RPS2: variants seen among roughly 807,000 people sequenced by gnomAD.
The protein encoded by RPS2 is small ribosomal subunit protein uS5.
Under a neutral mutation model 25.3 loss-of-function variants are expected in RPS2, and 8 were observed. The ratio of observed to expected loss-of-function variants is 0.32; its 90% confidence interval spans 0.19 to 0.57. RPS2 has a LOEUF of 0.57. Ranked by LOEUF, RPS2 falls within the 20% of genes least tolerant of loss-of-function variation. The pLI is 0.90. For synonymous variants in RPS2, 181 were observed against 161.3 expected (o/e 1.12, Z -0.92); for missense variants, 229 against 408.1 (o/e 0.56, Z 3.78).
chr16:1,962,996 G>A (rs1394548774), intron 4 of RPS2, 87 bp from the exon 5 acceptor site: 4 of 1,486,614 alleles, frequency 2.7e-6, no homozygotes, highest in East Asian at 2.3e-5. Context: ...CTCAAGGAAA[G>A]AGAGGCCACA....
At position 1,964,372 on chromosome 16, in the gene RPS2, G is replaced by C. The variant is rs748837440; in HGVS notation, c.178-7C>G. On this transcript the variant is annotated splice_polypyrimidine_tract_variant and splice_region_variant and intron_variant, in intron 2 of 6. Coordinates refer to ENST00000343262, the MANE Select transcript of RPS2 (RefSeq NM_002952.4). The stretch of plus-strand genomic sequence containing the variant: ...ACTTGGTGACGGGCATCCACTAAAG[G>C]GAGAAAAGGCGCCAGTGACCAGGAC... 54 of 1,613,296 alleles carry C rather than the reference G, an allele frequency of 3.3e-5. 1 individual carries two copies. The South Asian group carries it at 5.8e-4, about 17-fold the overall frequency.
chr16:1,962,469 G>A (rs371879046), intron 6 of RPS2, 28 bp downstream of exon 6: 3 of 1,604,488 alleles, frequency 1.9e-6, no homozygotes, highest in South Asian at 2.2e-5. Context: ...GAGAGACCAT[G>A]GCTATGCCCC....
chr16:1,964,329 C>T lies in RPS2; in HGVS notation c.214G>A (p.Asp72Asn), dbSNP rs771532107. The change falls in exon 3 of 7, where the codon GAC (aspartate) becomes AAC (asparagine). Residue 72 changes from aspartate (D) to asparagine (N), a missense_variant. Transcript: ENST00000343262. Reference protein sequence around the residue: ...PVTKLGRLVKDMKIKSLEEIY... With the variant: ...PVTKLGRLVKNMKIKSLEEIY... ...TCCTCCAGGGACTTGATCTTCATGTCCTTGACCAAGCGGCCCAACTTGGTG... is the reference window on the plus strand; with the variant it reads ...TCCTCCAGGGACTTGATCTTCATGTTCTTGACCAAGCGGCCCAACTTGGTG... 2 of 1,613,462 alleles carry T rather than the reference C, an allele frequency of 1.2e-6. No homozygotes were observed. The highest frequency in any genetic ancestry group is 2.7e-5 in the African/African-American group (2 of 74,950).
chr16:1,962,372 C>T (rs370897816), intron 6 of RPS2, 102 bp from the exon 7 acceptor site: 21 of 1,370,580 alleles, frequency 1.5e-5, no homozygotes, highest in Middle Eastern at 1.8e-4. Flanking sequence ...CCATTCTGGG[C>T]GGGTCTGTCG....
chr16:1,962,583 G>A lies in RPS2; in HGVS notation c.623C>T (p.Pro208Leu). 6.2e-7 allele frequency: 1 copy of A among 1,611,366 alleles called. No individual in the cohort carries two copies. Among genetic ancestry groups the A allele is most frequent in the Non-Finnish European group, 8.5e-7 (1 of 1,179,656 alleles). The part of the protein sequence containing the change: ...APRGTGIVSA[P>L]VPKKLLMMAG... ...CATCATGAGCAGCTTCTTAGGCACA[G>A]GTGCGGAGACGATGCCAGTGCCCCT... The change falls in exon 6 of 7, where the codon CCT becomes CTT. Residue 208 changes from proline (P) to leucine (L), a missense_variant. Transcript: ENST00000343262.
At chr16:1,964,013 TTC>T (rs2083283564) in intron 3 of RPS2, 4 of 508,894 alleles carry the variant, frequency 7.9e-6, no homozygotes, top group East Asian at 7.1e-5. Flanking sequence ...CAAGCGCTGC[TTC>T]TCTTTCAGTT....
intron 3 of RPS2, 38 bp downstream of exon 3, chr16:1,964,238 G>A (rs770591170): frequency 6.8e-7 from 1 of 1,478,414 alleles, no homozygotes; most frequent in Non-Finnish European, 9.5e-7. Flanking sequence ...ATGACTCCGG[G>A]GTCGCACTTG....
chr16:1,964,352 G>C lies in RPS2; in HGVS notation c.191C>G (p.Thr64Ser), dbSNP rs2083287580. Reference sequence around the variant, plus strand: ...GTCCTTGACCAAGCGGCCCAACTTGGTGACGGGCATCCACTAAAGGGAGAA... The same window carrying C: ...GTCCTTGACCAAGCGGCCCAACTTGCTGACGGGCATCCACTAAAGGGAGAA... ...KAEDKEWMPV[T>S]KLGRLVKDMK... Residue 64 changes from threonine (T) to serine (S), a missense_variant, in exon 3 of 7, where the codon ACC becomes AGC. Around this residue, in one of 7 missense-constraint regions of RPS2, gnomAD observed 70 missense variants for 119.0 expected, o/e 0.59. Transcript: ENST00000343262. 6.2e-7 allele frequency: 1 copy of C among 1,613,290 alleles called. No homozygotes were observed. Among genetic ancestry groups the C allele is most frequent in the South Asian group, 1.1e-5 (1 of 91,086 alleles).
intron 4 of RPS2, 80 bp from the exon 5 acceptor site, chr16:1,962,989 A>G (rs1225599169): frequency 2.0e-6 from 3 of 1,503,728 alleles, no homozygotes; most frequent in African/African-American, 1.4e-5. Flanking sequence ...TGCACCCCTC[A>G]AGGAAAGAGA....
rs566652110 is a variant in RPS2, at chr16:1,962,336, T to G, written c.710-66A>C. The stretch of plus-strand genomic sequence containing the variant: ...TGAGGCAAGTCCCCCAACCCAAAAA[T>G]TGTCGCACTCCTAGGAACAGAGAGG... On this transcript the variant is annotated intron_variant, in intron 6 of 6. Coordinates refer to ENST00000343262, the MANE Select transcript of RPS2 (RefSeq NM_002952.4). The G allele has an allele frequency of 2.0e-5, 30 of 1,482,968 alleles. No homozygotes were observed. The South Asian group carries it at 2.6e-4, about 13-fold the overall frequency. The allele number at this position is 1,482,968 out of a possible 1,614,324, so 91.9% of individuals were successfully genotyped here.
chr16:1,964,405 C>T (rs774275300), intron 2 of RPS2, 40 bp from the exon 3 acceptor site: 95 of 1,612,856 alleles, frequency 5.9e-5, no homozygotes, highest in Non-Finnish European at 2.3e-5. Context: ...GACCGCTCTC[C>T]GGCGCCGCCC....
At chr16:1,963,894 G>C (rs1248857281) in intron 3 of RPS2, 1 of 414,244 alleles carries the variant, frequency 2.4e-6, no homozygotes, top group Non-Finnish European at 4.8e-6. Flanking sequence ...CACTGCACCC[G>C]CTGGATGCAG....
chr16:1,962,913 C>G lies in RPS2; in HGVS notation c.376-4G>C, dbSNP rs757981609. The G allele has an allele frequency of 1.3e-6, 2 of 1,598,308 alleles. No individual in the cohort carries two copies. The highest frequency in any genetic ancestry group is 1.1e-5 in the South Asian group (1 of 90,970). ...AGTCCCCGATAGCAACAAATGCCTG[C>G]GAAAAGATGTGTGTGAGGCAGCTGG... On this transcript the variant is annotated splice_region_variant and splice_polypyrimidine_tract_variant and intron_variant, in intron 4 of 6. Coordinates refer to ENST00000343262, the MANE Select transcript of RPS2 (RefSeq NM_002952.4).
Position 1,964,487 on chromosome 16 carries a change from C to A in RPS2, c.139G>T (p.Gly47Cys). 6.2e-7 allele frequency: 1 copy of A among 1,607,882 alleles called. No individual in the cohort carries two copies. The highest frequency in any genetic ancestry group is 8.5e-7 in the Non-Finnish European group (1 of 1,178,308). The change falls in exon 2 of 7, where the codon GGC becomes TGC. Residue 47 changes from glycine (G) to cysteine (C), a missense_variant. Physicochemically the swap from Gly to Cys is radical, Grantham distance 159. Around this residue, in one of 7 missense-constraint regions of RPS2, gnomAD observed 70 missense variants for 119.0 expected, o/e 0.59. Coordinates refer to ENST00000343262, the MANE Select transcript of RPS2 (RefSeq NM_002952.4). ...GRGRGRGRGR[G>C]RGARGGKAED... ...GCCTTGCCTCCGCGAGCTCCGCGGCCTCGGCCCCGGCCCCGTCCACGGCCG... is the reference window on the plus strand; with the variant it reads ...GCCTTGCCTCCGCGAGCTCCGCGGCATCGGCCCCGGCCCCGTCCACGGCCG...
intron 2 of RPS2, 40 bp from the exon 3 acceptor site, chr16:1,964,405 C>A (rs774275300): frequency 1.9e-6 from 3 of 1,612,974 alleles, no homozygotes; most frequent in Non-Finnish European, 2.5e-6. Flanking sequence ...GACCGCTCTC[C>A]GGCGCCGCCC....
chr16:1,964,222 G>A, intron 3 of RPS2, 54 bp downstream of exon 3: 2 of 1,345,728 alleles, frequency 1.5e-6, no homozygotes, highest in South Asian at 1.2e-5. Flanking sequence ...TCCAACCCCA[G>A]CCCAAATGAC....
At position 1,963,230 on chromosome 16, in the gene RPS2, C is replaced by A. The variant is rs1187414820; in HGVS notation, c.294G>T (p.Leu98=). 6 of 1,543,806 alleles carry A rather than the reference C, an allele frequency of 3.9e-6. No homozygotes were observed. The highest frequency in any genetic ancestry group is 2.4e-5 in the East Asian group (1 of 41,784). The change falls in exon 4 of 7, where the codon CTG becomes CTT. Residue 98 remains leucine, a synonymous_variant. Coordinates refer to ENST00000343262, the MANE Select transcript of RPS2 (RefSeq NM_002952.4). The part of the protein sequence containing the change: ...IKESEIIDFF[L]GASLKDEVLK... Reference sequence around the variant, plus strand: ...AAACCTCATCCTTGAGAGAGGCCCCCAGGAAGAAATCAATGATCTCTGATT... The same window carrying A: ...AAACCTCATCCTTGAGAGAGGCCCCAAGGAAGAAATCAATGATCTCTGATT...
Position 1,964,284 on chromosome 16 carries a change from G to C in RPS2, c.259C>G (p.Pro87Ala), listed in dbSNP as rs752801500. The part of the protein sequence containing the change: ...SLEEIYLFSL[P>A]IKESEIIDFF... ...CAACGACCGACGCGTACCTTAATAG[G>C]CAGGGAGAAGAGATAGATCTCCTCC... Residue 87 changes from proline to alanine, a missense_variant, in exon 3 of 7, where the codon CCT (proline) becomes GCT (alanine). Pro to Ala is a conservative substitution (Grantham distance 27, BLOSUM62 -1). Coordinates refer to ENST00000343262, the MANE Select transcript of RPS2 (RefSeq NM_002952.4). 2 of 1,611,332 alleles carry C rather than the reference G, an allele frequency of 1.2e-6. No homozygotes were observed. The highest frequency in any genetic ancestry group is 8.5e-7 in the Non-Finnish European group (1 of 1,178,036).
At chr16:1,963,907 G>A (rs774943610) in intron 3 of RPS2, 8 of 412,088 alleles carry the variant, frequency 1.9e-5, no homozygotes, top group Non-Finnish European at 3.4e-5. Flanking sequence ...GGATGCAGAT[G>A]ACAGCTGTCC....
Sources: allele counts gnomAD v4.1 joint callset, GRCh38; gene constraint gnomAD v4.1.1; regional missense constraint gnomAD v4.1.1; transcripts MANE v1.5; gene names NCBI Gene and HGNC (gene_info 2026-07-23, HGNC 2026-07-21).